Variants in COMMD8 observed in about 807,000 individuals in gnomAD.
COMMD8 encodes COMM domain-containing protein 8.
In COMMD8, 28 loss-of-function variants were observed where a neutral mutation model predicts 27.2. The ratio of observed to expected loss-of-function variants is 1.03; its 90% CI spans 0.76 to 1.41. The LOEUF is 1.41. Among genes scored for constraint, COMMD8 ranks in the 40% most tolerant of loss-of-function variants. The pLI is 0.00. For missense variants in COMMD8, 217 were observed against 211.2 expected (o/e 1.03, Z -0.17); for synonymous variants, 79 against 75.5 (o/e 1.05, Z -0.24).
chr4:47,458,478 TA>T (rs1372954690), intron 2 of COMMD8, among the ~76,000 whole-genome samples: 1 of 151,980 alleles, frequency 6.6e-6, no homozygotes, highest in East Asian at 1.9e-4. Flanking sequence ...TACTCAGAAA[TA>T]AAAATATTTG....
At chr4:47,454,864 CA>C (rs1187989270) in intron 3 of COMMD8, among the ~76,000 whole-genome samples, 6,212 of 39,280 alleles carry the variant, frequency 0.16, 39 homozygotes, top group Middle Eastern at 0.25. Context: ...AACTCCATCT[CA>C]AAAAAAAAAA....
At chr4:47,452,957 T>C (rs1578171811) in intron 4 of COMMD8, 102 bp downstream of exon 4, 2 of 999,448 alleles carry the variant, frequency 2.0e-6, no homozygotes, top group Non-Finnish European at 2.9e-6. Context: ...GTTCGCGCCG[T>C]TGCCCCTCCA....
In COMMD8 at chr4:47,463,639, C is replaced by T. The variant is rs1466358636; in HGVS notation, c.13G>A (p.Glu5Lys). The stretch of plus-strand genomic sequence containing the variant: ...TGCAGCCGCCACAAGGGCGTCCCCT[C>T]TTCCGGCTCCATCCCTGCGCGAAGC... MEPE[E>K]GTPLWRLQKL... is the part of the protein sequence containing the mutation. The change falls in exon 1 of 5, where the codon GAG becomes AAG. Residue 5 changes from glutamate to lysine, a missense_variant. Glu to Lys is a moderately conservative substitution (Grantham distance 56, BLOSUM62 1). Coordinates refer to ENST00000381571, the MANE Select transcript of COMMD8 (RefSeq NM_017845.5). The T allele has an allele frequency of 6.5e-7, 1 of 1,549,330 alleles. No homozygotes were observed. Among genetic ancestry groups the T allele is most frequent in the Non-Finnish European group, 8.7e-7 (1 of 1,146,352 alleles).
intron 1 of COMMD8, among the ~76,000 whole-genome samples, chr4:47,461,140 T>C (rs919512511): frequency 6.6e-6 from 1 of 152,196 alleles, no homozygotes; most frequent in Non-Finnish European, 1.5e-5. Context: ...CATGTAGACA[T>C]TGCTAGCCCT....
chr4:47,459,928 GTT>G (rs1183901245), intron 2 of COMMD8: 1 of 402,292 alleles, frequency 2.5e-6, no homozygotes, highest in African/African-American at 2.1e-5. Flanking sequence ...ATAATTTCTT[GTT>G]TTCTTCTGTA....
At chr4:47,462,623 A>T (rs1299604605) in intron 1 of COMMD8, among the ~76,000 whole-genome samples, 1 of 152,144 alleles carries the variant, frequency 6.6e-6, no homozygotes, top group East Asian at 1.9e-4. Flanking sequence ...TATGGTAATA[A>T]AGGTTATGGG....
At position 47,460,234 on chromosome 4, in the gene COMMD8, AGT is replaced by A; in HGVS notation, c.130_131del (p.Thr44CysfsTer24). ...GCATCCATTCTTCTGATTCCCAAACAGTGTGATAATCTTGGTACACAGGATAA... is the reference window on the plus strand; with the variant it reads ...GCATCCATTCTTCTGATTCCCAAACAGTGATAATCTTGGTACACAGGATAA... The part of the protein sequence containing the change: ...RAYPVYQDYH[T>X]VWESEEWMHV... On this transcript the variant is annotated frameshift_variant, in exon 2 of 5. Coordinates refer to ENST00000381571, the MANE Select transcript of COMMD8 (RefSeq NM_017845.5). LOFTEE classifies it high-confidence loss of function. The A allele has an allele frequency of 6.2e-7, 1 of 1,613,534 alleles. No homozygotes were observed. The highest frequency in any genetic ancestry group is 8.5e-7 in the Non-Finnish European group (1 of 1,179,658).
intron 2 of COMMD8, among the ~76,000 whole-genome samples, chr4:47,458,666 A>G (rs181114438): frequency 3.4e-3 from 525 of 152,228 alleles, no homozygotes; most frequent in Non-Finnish European, 5.4e-3. Context: ...TAAAACTGAA[A>G]AGTTGATTCT....
At chr4:47,454,757 C>A (rs891549603) in intron 3 of COMMD8, among the ~76,000 whole-genome samples, 11 of 148,596 alleles carry the variant, frequency 7.4e-5, no homozygotes, top group Admixed American at 6.8e-4. Context: ...CCCAGCTACT[C>A]AGGAGGCTGA....
At chr4:47,455,589 G>A (rs570451610) in intron 3 of COMMD8, among the ~76,000 whole-genome samples, 4 of 152,118 alleles carry the variant, frequency 2.6e-5, no homozygotes, top group Admixed American at 1.3e-4. Flanking sequence ...CAGAGCCACA[G>A]AGACTTTTTA....
chr4:47,453,071 T>A lies in COMMD8; in HGVS notation c.519A>T (p.Glu173Asp), dbSNP rs777110270. 2 of 1,602,908 alleles carry A rather than the reference T, an allele frequency of 1.2e-6. No individual in the cohort carries two copies. The highest frequency in any genetic ancestry group is 1.7e-6 in the Non-Finnish European group (2 of 1,176,014). The change falls in exon 4 of 5, where the codon GAA becomes GAT. Residue 173 changes from glutamate (E) to aspartate (D), a missense_variant. Transcript: ENST00000381571. ...EELQNLIQSL[E>D]AANKVVLQLK ...TTATAGCAAATACCTTATTCGCTGC[T>A]TCCAAGGACTGTATTAGATTCTGCA...
At chr4:47,459,034 A>G (rs12510975) in intron 2 of COMMD8, among the ~76,000 whole-genome samples, 34,571 of 151,972 alleles carry the variant, frequency 0.23, 4,103 homozygotes, top group Non-Finnish European at 0.25. Flanking sequence ...ATAATGTGAA[A>G]GCTAAAACAA....
rs558360121 is a variant in COMMD8, at chr4:47,456,315, A to G, written c.375+262T>C. Among the ~76,000 whole-genome samples, 3 of 129,624 alleles carry G rather than the reference A, an allele frequency of 2.3e-5. No homozygotes were observed. The East Asian group carries it at 8.2e-4, about 35-fold the overall frequency. The allele number at this position is 129,624 out of a possible 152,430, so 85.0% of individuals were successfully genotyped here. A position where few individuals can be genotyped will look rare whatever the true frequency, so the allele number is the denominator to read the frequency against. On this transcript the variant is annotated intron_variant, in intron 3 of 4. Coordinates refer to ENST00000381571, the MANE Select transcript of COMMD8 (RefSeq NM_017845.5). Reference sequence around the variant, plus strand: ...ATATATATATATGTATATGTTGACTATATGCTGCCCCATCACTTATGTCAT... The same window carrying G: ...ATATATATATATGTATATGTTGACTGTATGCTGCCCCATCACTTATGTCAT...
At position 47,456,636 on chromosome 4, in the gene COMMD8, A is replaced by G; in HGVS notation, c.316T>C (p.Ser106Pro). 6.2e-7 allele frequency: 1 copy of G among 1,610,324 alleles called. No homozygotes were observed. Among genetic ancestry groups the G allele is most frequent in the Non-Finnish European group, 8.5e-7 (1 of 1,178,636 alleles). Residue 106 changes from serine (S) to proline (P), a missense_variant, in exon 3 of 5, where the codon TCA becomes CCA. Coordinates refer to ENST00000381571, the MANE Select transcript of COMMD8 (RefSeq NM_017845.5). ...SRKDEIKQAL[S>P]REIVAISSAQ... is the part of the protein sequence containing the mutation. ...GAGGAAATAGCAACTATTTCTCTTG[A>G]CAGAGCCTGTTTGATTTCATCTTTC...
In COMMD8 at chr4:47,460,313, A is replaced by G; in HGVS notation, c.67-14T>C. The G allele has an allele frequency of 6.2e-7, 1 of 1,606,584 alleles. No individual in the cohort carries two copies. Among genetic ancestry groups the G allele is most frequent in the Admixed American group, 1.7e-5 (1 of 58,992 alleles). On this transcript the variant is annotated splice_polypyrimidine_tract_variant and intron_variant, in intron 1 of 4. Coordinates refer to ENST00000381571, the MANE Select transcript of COMMD8 (RefSeq NM_017845.5). ...TTTGTGAAGAAGCTAGCAAGAAAAA[A>G]GGAAATAAATGTACTTATAAGTAAA...
chr4:47,453,973 C>T (rs1383320654), intron 3 of COMMD8, among the ~76,000 whole-genome samples: 1 of 152,162 alleles, frequency 6.6e-6, no homozygotes, highest in Non-Finnish European at 1.5e-5. Flanking sequence ...CAAAGGATCT[C>T]CCTTGTGGTA....
At chr4:47,452,543 C>T (rs1345216547) in intron 4 of COMMD8, among the ~76,000 whole-genome samples, 4 of 138,142 alleles carry the variant, frequency 2.9e-5, no homozygotes, top group East Asian at 2.0e-4. Context: ...TTACTTAGTA[C>T]ATTATGTTCA....
At chr4:47,457,893 T>C (rs547534172) in intron 2 of COMMD8, among the ~76,000 whole-genome samples, 20 of 147,024 alleles carry the variant, frequency 1.4e-4, no homozygotes, top group African/African-American at 5.0e-4. Flanking sequence ...GATGTAAAAA[T>C]CCTAAACAAA....
In COMMD8 at chr4:47,451,463, C is replaced by A; in HGVS notation, c.*182G>T. On this transcript the variant is annotated 3_prime_UTR_variant, in exon 5 of 5. Transcript: ENST00000381571. ...ATCTTTCATTTTATGCATTTCCTCTCAACCATGTAATTTCCTGTTAAGGAA... is the reference window on the plus strand; with the variant it reads ...ATCTTTCATTTTATGCATTTCCTCTAAACCATGTAATTTCCTGTTAAGGAA... 1 of 544,994 alleles carries A rather than the reference C, an allele frequency of 1.8e-6. No homozygotes were observed. The highest frequency in any genetic ancestry group is 2.4e-5 in the South Asian group (1 of 42,002). 33.8% of individuals were successfully genotyped at this position (544,994 alleles called of 1,614,324 possible).
Sources: gnomAD v4.1 joint callset for allele counts (sites outside exome capture counted in the v4.1 genomes callset) on GRCh38, gnomAD v4.1.1 for gene constraint, MANE v1.5 for transcripts, NCBI Gene and HGNC (gene_info 2026-07-23, HGNC 2026-07-21) for gene names.